DRC11: variants seen among roughly 807,000 people sequenced by gnomAD.
DRC11 encodes the protein dynein regulatory complex subunit 11.
chr2:236,340,395 A>G, the DRC11 span, among the ~76,000 whole-genome samples: 2 of 152,212 alleles, frequency 1.3e-5, no homozygotes, highest in Non-Finnish European at 2.9e-5. Context: ...AAGTGCTGGG[A>G]TTACAAGTGT....
chr2:236,478,449 T>TA, the DRC11 span, among the ~76,000 whole-genome samples: 4 of 152,178 alleles, frequency 2.6e-5, no homozygotes, highest in Non-Finnish European at 5.9e-5. This position sits in a 1 kb window ranked among gnomAD's most constrained non-coding sequence, Gnocchi z 5.9. Flanking sequence ...TTTTGTGGCC[T>TA]AACACGTACT....
the DRC11 span, among the ~76,000 whole-genome samples, chr2:236,389,032 G>T: frequency 1.3e-5 from 2 of 152,074 alleles, no homozygotes; most frequent in South Asian, 4.1e-4. Flanking sequence ...CAGATCTCCA[G>T]CTGCCTGCTG....
the DRC11 span, among the ~76,000 whole-genome samples, chr2:236,307,919 G>A: frequency 6.6e-6 from 1 of 152,108 alleles, no homozygotes; most frequent in African/African-American, 2.4e-5. This position sits in a 1 kb window ranked among gnomAD's most constrained non-coding sequence, Gnocchi z 7.0. Context: ...GCTTGCGGGG[G>A]CACAAGCATC....
chr2:236,378,601 A>G, the DRC11 span, among the ~76,000 whole-genome samples: 2 of 151,736 alleles, frequency 1.3e-5, no homozygotes, highest in Non-Finnish European at 2.9e-5. Context: ...CTTGAACACC[A>G]GAGGCACAGG....
At chr2:236,326,189 A>G in the DRC11 span, among the ~76,000 whole-genome samples, 2 of 152,226 alleles carry the variant, frequency 1.3e-5, no homozygotes, top group African/African-American at 2.4e-5. Flanking sequence ...TTATTAGTTA[A>G]TAAATTATTT....
chr2:236,500,176 T>C, the DRC11 span, among the ~76,000 whole-genome samples: 1 of 152,234 alleles, frequency 6.6e-6, no homozygotes, highest in Non-Finnish European at 1.5e-5. The surrounding 1 kb of genome is among the most constrained non-coding windows in gnomAD (Gnocchi z 6.3). Flanking sequence ...GTGGTTTCCA[T>C]GTAATAACTC....
chr2:236,416,711 ATATATATATT>A, the DRC11 span, among the ~76,000 whole-genome samples: 75 of 88,288 alleles, frequency 8.5e-4, no homozygotes, highest in African/African-American at 1.8e-3. Flanking sequence ...TTATTTACAT[ATATATATATT>A]TATATATATA....
chr2:236,453,843 T>C, the DRC11 span, among the ~76,000 whole-genome samples: 1 of 152,262 alleles, frequency 6.6e-6, no homozygotes, highest in East Asian at 1.9e-4. The surrounding 1 kb of genome is among the most constrained non-coding windows in gnomAD (Gnocchi z 4.9). Flanking sequence ...GGTTTCATCA[T>C]GTTGGCCAGG....
At chr2:236,373,322 T>C in the DRC11 span, among the ~76,000 whole-genome samples, 1 of 151,096 alleles carries the variant, frequency 6.6e-6, no homozygotes, top group African/African-American at 2.4e-5. Flanking sequence ...ATTGGCACAA[T>C]CTTGGCTCAC....
the DRC11 span, chr2:236,364,026 A>G: frequency 6.5e-7 from 1 of 1,540,740 alleles, no homozygotes; most frequent in Non-Finnish European, 8.9e-7. Flanking sequence ...CAAGAAAATC[A>G]GTGGTTCTTC....
chr2:236,459,520 T>C, the DRC11 span, among the ~76,000 whole-genome samples: 6 of 113,990 alleles, frequency 5.3e-5, no homozygotes, highest in African/African-American at 1.0e-4. Context: ...TACGTATACA[T>C]GTATACATGT....
chr2:236,364,227 C>G, the DRC11 span, among the ~76,000 whole-genome samples: 4 of 151,946 alleles, frequency 2.6e-5, no homozygotes, highest in African/African-American at 7.3e-5. Context: ...CCTTCTCCCC[C>G]TCTCCACATC....
At chr2:236,395,466 T>A in the DRC11 span, among the ~76,000 whole-genome samples, 1 of 152,248 alleles carries the variant, frequency 6.6e-6, no homozygotes, top group South Asian at 2.1e-4. Flanking sequence ...AGTTCGTTCT[T>A]TGCTCTGCAC....
At chr2:236,506,155 C>G in the DRC11 span, among the ~76,000 whole-genome samples, 1 of 152,202 alleles carries the variant, frequency 6.6e-6, no homozygotes, top group Non-Finnish European at 1.5e-5. The surrounding 1 kb of genome is among the most constrained non-coding windows in gnomAD (Gnocchi z 4.9). Context: ...ACTATTATTT[C>G]TTCCACTCGC....
At chr2:236,358,070 ATATT>A in the DRC11 span, among the ~76,000 whole-genome samples, 16 of 120,250 alleles carry the variant, frequency 1.3e-4, no homozygotes, top group African/African-American at 3.0e-4. Context: ...ATATGAATAT[ATATT>A]TATAATATAT....
At chr2:236,349,697 G>A in the DRC11 span, among the ~76,000 whole-genome samples, 1 of 152,200 alleles carries the variant, frequency 6.6e-6, no homozygotes, top group Non-Finnish European at 1.5e-5. This position sits in a 1 kb window ranked among gnomAD's most constrained non-coding sequence, Gnocchi z 5.5. Flanking sequence ...CACGAAGAAG[G>A]GAACAGCAGG....
chr2:236,332,613 A>C, the DRC11 span: 2 of 152,232 alleles, frequency 1.3e-5, no homozygotes, highest in Non-Finnish European at 2.9e-5. The surrounding 1 kb of genome is among the most constrained non-coding windows in gnomAD (Gnocchi z 5.1). Context: ...CAGGCCTGGT[A>C]AGCGGTTAAT....
the DRC11 span, among the ~76,000 whole-genome samples, chr2:236,491,031 G>T: frequency 7.5e-6 from 1 of 133,652 alleles, no homozygotes; most frequent in African/African-American, 2.9e-5. Context: ...ATATATGTGT[G>T]TATATATATA....
the DRC11 span, among the ~76,000 whole-genome samples, chr2:236,320,073 C>A: frequency 3.9e-4 from 59 of 152,234 alleles, no homozygotes; most frequent in Non-Finnish European, 6.8e-4. Flanking sequence ...AGCCAAAAAA[C>A]CACTGCTATG....
Sources: allele counts gnomAD v4.1 joint callset (sites outside exome capture counted in the v4.1 genomes callset), GRCh38; gene constraint gnomAD v4.1.1; non-coding constraint Gnocchi (gnomAD v3.1); transcripts MANE v1.5; gene names NCBI Gene and HGNC (gene_info 2026-07-23, HGNC 2026-07-21).